Variants in PCDH15 observed in about 807,000 individuals in gnomAD.
The protein encoded by PCDH15 is protocadherin-15.
In PCDH15, 129 loss-of-function variants were observed where a neutral mutation model predicts 178.5. The ratio of observed to expected loss-of-function variants is 0.72; its 90% confidence interval spans 0.63 to 0.84. PCDH15 has a LOEUF of 0.84. Ranked by LOEUF, PCDH15 falls within the 40% of genes least tolerant of loss-of-function variation. PCDH15 has a pLI of 0.00. For missense variants in PCDH15, 2,230 were observed against 2,099.9 expected, an observed-to-expected ratio of 1.06 and a Z score of -1.21; for synonymous variants, 800 against 732.0, an observed-to-expected ratio of 1.09 and a Z score of -1.50.
At chr10:54,836,307 A>C (rs931155880) in intron 3 of PCDH15, among the ~76,000 whole-genome samples, 2 of 152,128 alleles carry the variant, frequency 1.3e-5, no homozygotes, top group African/African-American at 4.8e-5. Flanking sequence ...GAGTAAAATA[A>C]ATGTCAAGGT....
chr10:55,451,245 T>C (rs1302758092), intron 2 of PCDH15, among the ~76,000 whole-genome samples: 1 of 152,044 alleles, frequency 6.6e-6, no homozygotes, highest in Non-Finnish European at 1.5e-5. Context: ...ACACCTGTAA[T>C]CCCAGCACTT....
intron 2 of PCDH15, among the ~76,000 whole-genome samples, chr10:55,474,461 T>G (rs556336739): frequency 2.6e-5 from 4 of 152,358 alleles, no homozygotes; most frequent in African/African-American, 9.6e-5. Flanking sequence ...TGCCAACTTC[T>G]AAAGTTTTTA....
intron 2 of PCDH15, among the ~76,000 whole-genome samples, chr10:54,640,624 C>T (rs1185864178): frequency 6.6e-6 from 1 of 152,034 alleles, no homozygotes; most frequent in African/African-American, 2.4e-5. Flanking sequence ...AATTTATATA[C>T]CTTTTCCCTC....
intron 25 of PCDH15, among the ~76,000 whole-genome samples, chr10:53,932,281 C>T (rs965374829): frequency 1.1e-4 from 17 of 152,196 alleles, no homozygotes; most frequent in African/African-American, 4.1e-4. Flanking sequence ...TGGCATTCAC[C>T]TGTGTCCCAA....
chr10:55,303,073 C>A (rs897772594), intron 1 of PCDH15, among the ~76,000 whole-genome samples: 2 of 134,134 alleles, frequency 1.5e-5, no homozygotes, highest in Non-Finnish European at 3.1e-5. Context: ...GATAAGAAAA[C>A]AAAGATATTT....
At chr10:55,544,268 G>A (rs1841832112) in intron 2 of PCDH15, among the ~76,000 whole-genome samples, 1 of 149,376 alleles carries the variant, frequency 6.7e-6, no homozygotes, top group Admixed American at 6.8e-5. Flanking sequence ...GCTTTTAGTG[G>A]ACTGGCTACA....
At chr10:55,234,389 A>C (rs146942835) in intron 1 of PCDH15, among the ~76,000 whole-genome samples, 1 of 152,192 alleles carries the variant, frequency 6.6e-6, no homozygotes, top group Non-Finnish European at 1.5e-5. Flanking sequence ...AATTTAATGA[A>C]CCAATAAGTA....
chr10:55,157,827 G>T (rs1378911916), intron 2 of PCDH15, among the ~76,000 whole-genome samples: 4 of 151,638 alleles, frequency 2.6e-5, no homozygotes, highest in African/African-American at 4.8e-5. Context: ...AGGGGGGAGG[G>T]ATAGCATTAG....
At position 54,568,373 on chromosome 10, in the gene PCDH15, C is replaced by T. The variant is rs1319302247; in HGVS notation, c.92-40496G>A. 4.6e-5 allele frequency among the ~76,000 whole-genome samples: 7 copies of T among 152,094 alleles called. No individual in the cohort carries two copies. The East Asian group carries it at 1.2e-3, about 25-fold the overall frequency. On this transcript the variant is annotated intron_variant, in intron 2 of 37. Coordinates refer to ENST00000644397, the MANE Select transcript of PCDH15 (RefSeq NM_001384140.1). ...CATTCCCTCACATCTTATCCCCTCC[C>T]TTTTTGTACATAATACATATCACTA... is the stretch of plus-strand genomic sequence containing the variant.
At chr10:54,100,929 A>G (rs1239318535) in intron 15 of PCDH15, among the ~76,000 whole-genome samples, 3 of 152,030 alleles carry the variant, frequency 2.0e-5, no homozygotes, top group Non-Finnish European at 4.4e-5. Context: ...TCCACTTTAT[A>G]TACTGATAAA....
intron 1 of PCDH15, among the ~76,000 whole-genome samples, chr10:54,686,059 T>TTTTTTTTTTC (rs2094996363): frequency 6.8e-6 from 1 of 147,552 alleles, no homozygotes; most frequent in African/African-American, 2.5e-5. Context: ...TTTTTTTTTT[T>TTTTTTTTTTC]GTATTTTTAG....
chr10:54,217,886 T>C (rs2052280100), intron 9 of PCDH15, among the ~76,000 whole-genome samples: 1 of 152,204 alleles, frequency 6.6e-6, no homozygotes, highest in African/African-American at 2.4e-5. Context: ...CTAAACTGAT[T>C]TGAAAAGTTT....
intron 2 of PCDH15, among the ~76,000 whole-genome samples, chr10:55,588,191 C>CT (rs1023015394): frequency 6.6e-6 from 1 of 152,084 alleles, no homozygotes; most frequent in African/African-American, 2.4e-5. Context: ...CTGGGGCTAC[C>CT]TTTTTTGCCT....
At chr10:54,211,955 A>G (rs2051484746) in intron 10 of PCDH15, among the ~76,000 whole-genome samples, 1 of 149,406 alleles carries the variant, frequency 6.7e-6, no homozygotes, top group African/African-American at 2.5e-5. Context: ...GTCTGTTAAA[A>G]CTTCCATTAA....
intron 18 of PCDH15, among the ~76,000 whole-genome samples, chr10:54,039,215 C>A (rs1304849797): frequency 6.6e-6 from 1 of 151,868 alleles, no homozygotes; most frequent in African/African-American, 2.4e-5. Context: ...TATGAATGTG[C>A]CATCTGTTTG....
chr10:54,609,988 G>T (rs1156907811), intron 2 of PCDH15, among the ~76,000 whole-genome samples: 1 of 151,800 alleles, frequency 6.6e-6, no homozygotes, highest in East Asian at 1.9e-4. Context: ...TGTATTTCTT[G>T]ATACTTTTAT....
chr10:53,913,141 A>G (rs2083241651), intron 25 of PCDH15, among the ~76,000 whole-genome samples: 1 of 152,152 alleles, frequency 6.6e-6, no homozygotes, highest in Admixed American at 6.5e-5. Flanking sequence ...AACACCACAC[A>G]TCTACAACCA....
At chr10:54,726,419 GGT>G (rs72051103) in intron 1 of PCDH15, among the ~76,000 whole-genome samples, 3,417 of 19,352 alleles carry the variant, frequency 0.18, 44 homozygotes, top group Non-Finnish European at 0.29. Flanking sequence ...ACCCATCAGG[GGT>G]GTGTGTGTGT....
chr10:54,377,783 C>T (rs1408259007), intron 4 of PCDH15, among the ~76,000 whole-genome samples: 1 of 152,186 alleles, frequency 6.6e-6, no homozygotes, highest in African/African-American at 2.4e-5. Context: ...GATTATAATC[C>T]ACTACCCTCT....
Sources: allele counts gnomAD v4.1 joint callset (sites outside exome capture counted in the v4.1 genomes callset), GRCh38; gene constraint gnomAD v4.1.1; transcripts MANE v1.5; gene names NCBI Gene and HGNC (gene_info 2026-07-23, HGNC 2026-07-21).